Variants in MRPS28 observed in about 807,000 individuals in gnomAD.
MRPS28 encodes small ribosomal subunit protein bS1m.
MRPS28 carries 7 observed loss-of-function variants against 10.8 expected under a neutral mutation model. The ratio of observed to expected loss-of-function variants is 0.65; its 90% CI spans 0.37 to 1.22. The LOEUF is 1.22. Ranked by LOEUF, MRPS28 falls within the 50% of genes most tolerant of loss-of-function variation. The probability of loss-of-function intolerance (pLI) is 0.02; values close to 1 mark genes in which losing one functional copy is unlikely to be tolerated. For synonymous variants in MRPS28, 121 were observed against 93.3 expected (o/e 1.30, Z -1.71); for missense variants, 265 against 232.9 (o/e 1.14, Z -0.90).
intron 1 of MRPS28, among the ~76,000 whole-genome samples, chr8:80,014,304 T>C (rs933001424): frequency 1.2e-4 from 19 of 152,118 alleles, no homozygotes; most frequent in South Asian, 2.1e-4. Flanking sequence ...AAATATATTT[T>C]TTCTCTTCCC....
intron 1 of MRPS28, among the ~76,000 whole-genome samples, chr8:80,004,906 T>A (rs1394082312): frequency 3.3e-5 from 5 of 151,972 alleles, no homozygotes; most frequent in Admixed American, 6.6e-5. Context: ...ATCAAATTAA[T>A]GAAAGGAAGT....
intron 2 of MRPS28, among the ~76,000 whole-genome samples, chr8:79,920,037 G>T (rs185672147): frequency 1.4e-5 from 2 of 147,338 alleles, no homozygotes; most frequent in African/African-American, 5.0e-5. Flanking sequence ...GAGAACATGC[G>T]GTGTTTGGTT....
intron 1 of MRPS28, among the ~76,000 whole-genome samples, chr8:80,014,996 A>G (rs1250270587): frequency 6.6e-6 from 1 of 152,218 alleles, no homozygotes. Flanking sequence ...GCCTCCAAGA[A>G]GAAACCTCTG....
chr8:79,986,921 A>G (rs1808199477), intron 2 of MRPS28, among the ~76,000 whole-genome samples: 1 of 152,216 alleles, frequency 6.6e-6, no homozygotes, highest in African/African-American at 2.4e-5. Context: ...ATTGGAAAAA[A>G]CTACTTTCAA....
At chr8:80,028,645 C>CGAGCGGGGGGGGGG (rs1809551861) in intron 1 of MRPS28, 1 of 3,332 alleles carries the variant, frequency 3.0e-4, no homozygotes, top group Non-Finnish European at 5.1e-4. Context: ...AAGCAGAAGA[C>CGAGCGGGGGGGGGG]GGGCGGGGGG....
intron 1 of MRPS28, among the ~76,000 whole-genome samples, chr8:80,020,171 C>T (rs180705736): frequency 1.2e-4 from 19 of 152,234 alleles, no homozygotes; most frequent in African/African-American, 4.1e-4. Context: ...GGAATGTCTG[C>T]GTGACCATAA....
intron 2 of MRPS28, among the ~76,000 whole-genome samples, chr8:79,997,614 G>GA (rs58403494): frequency 1.7e-3 from 242 of 139,990 alleles, no homozygotes; most frequent in Admixed American, 4.6e-3. Flanking sequence ...AGAGATGGGG[G>GA]AAAAAAAAAA....
intron 2 of MRPS28, among the ~76,000 whole-genome samples, chr8:79,921,221 T>G (rs10957946): frequency 6.6e-6 from 1 of 151,620 alleles, no homozygotes; most frequent in Non-Finnish European, 1.5e-5. Context: ...AGTCAGGTAG[T>G]GTGATGCCTC....
intron 1 of MRPS28, among the ~76,000 whole-genome samples, chr8:80,009,760 G>A (rs993903134): frequency 2.0e-5 from 3 of 152,134 alleles, no homozygotes; most frequent in African/African-American, 7.2e-5. Flanking sequence ...TGAGAATGGG[G>A]TGGGGGGTGG....
chr8:79,980,181 G>A, intron 2 of MRPS28, among the ~76,000 whole-genome samples: 1 of 152,158 alleles, frequency 6.6e-6, no homozygotes, highest in East Asian at 1.9e-4. Flanking sequence ...CCAGTACTTT[G>A]ATAGCACTTT....
At chr8:79,994,422 TC>T (rs1808446827) in intron 2 of MRPS28, among the ~76,000 whole-genome samples, 1 of 152,114 alleles carries the variant, frequency 6.6e-6, no homozygotes, top group African/African-American at 2.4e-5. Flanking sequence ...AATAACACAC[TC>T]CCCTTCTCTA....
At chr8:79,990,849 C>T (rs988573486) in intron 2 of MRPS28, among the ~76,000 whole-genome samples, 11 of 151,236 alleles carry the variant, frequency 7.3e-5, no homozygotes, top group African/African-American at 2.4e-4. Context: ...TCAAAATTAG[C>T]TGGGCATGGC....
chr8:79,995,512 T>A (rs1190941072), intron 2 of MRPS28, among the ~76,000 whole-genome samples: 1 of 152,180 alleles, frequency 6.6e-6, no homozygotes, highest in African/African-American at 2.4e-5. Context: ...GTCTCAACCA[T>A]GATAAATGCT....
intron 2 of MRPS28, among the ~76,000 whole-genome samples, chr8:79,941,027 T>C (rs1440774302): frequency 6.6e-6 from 1 of 152,148 alleles, no homozygotes; most frequent in Non-Finnish European, 1.5e-5. Context: ...AGCCTATGCT[T>C]AAATATAAAA....
chr8:80,022,987 T>C (rs1208157323), intron 1 of MRPS28, among the ~76,000 whole-genome samples: 1 of 152,206 alleles, frequency 6.6e-6, no homozygotes, highest in Non-Finnish European at 1.5e-5. Flanking sequence ...TTTTAAGAAA[T>C]GTATAGTACT....
chr8:79,939,977 T>TAAA (rs11443456), intron 2 of MRPS28, among the ~76,000 whole-genome samples: 6 of 140,686 alleles, frequency 4.3e-5, no homozygotes, highest in African/African-American at 1.0e-4. Flanking sequence ...CCGTCTCAAA[T>TAAA]AAAAAAAAAA....
rs1336107552 is a variant in MRPS28 at position 79,987,167 on chromosome 8, C to A, written c.395+15832G>T. ...CTTTGACAAACCTGACAAAAACAAG[C>A]AATGGGGAAAGGATTCCCTATTTAA... is the stretch of plus-strand genomic sequence containing the variant. On this transcript the variant is annotated intron_variant, in intron 2 of 2. Coordinates refer to ENST00000276585, the MANE Select transcript of MRPS28 (RefSeq NM_014018.3). 3.9e-5 allele frequency among the ~76,000 whole-genome samples: 6 copies of A among 152,100 alleles called. No individual in the cohort carries two copies. In the East Asian group the frequency reaches 5.8e-4, roughly 15 times the overall value.
intron 2 of MRPS28, among the ~76,000 whole-genome samples, chr8:79,973,969 C>G (rs1017814956): frequency 6.6e-6 from 1 of 152,004 alleles, no homozygotes; most frequent in African/African-American, 2.4e-5. Flanking sequence ...CCAGGCTGAT[C>G]TCAAACTCCT....
At chr8:79,936,635 GTACAAGGAATAC>G (rs1388614852) in intron 2 of MRPS28, among the ~76,000 whole-genome samples, 1 of 152,158 alleles carries the variant, frequency 6.6e-6, no homozygotes, top group African/African-American at 2.4e-5. Flanking sequence ...TATGATGTCT[GTACAAGGAATAC>G]TACACAACCA....
Sources: allele counts gnomAD v4.1 joint callset (sites outside exome capture counted in the v4.1 genomes callset), GRCh38; gene constraint gnomAD v4.1.1; transcripts MANE v1.5; gene names NCBI Gene and HGNC (gene_info 2026-07-23, HGNC 2026-07-21).